The following CAMTA1 variants were observed in gnomAD, a reference collection of about 807,000 sequenced individuals.
CAMTA1 encodes the protein calmodulin binding transcription activator 1, also known as calmodulin-binding transcription activator 1.
Under a neutral mutation model 170.9 loss-of-function variants are expected in CAMTA1, and 27 were observed. The observed-to-expected ratio is 0.16, with a 90% CI of 0.12 to 0.22. The LOEUF is 0.22. Among genes scored for constraint, CAMTA1 ranks in the 10% least tolerant of loss-of-function variants. CAMTA1 has a pLI of 1.00. For synonymous variants in CAMTA1, 833 were observed against 891.5 expected (o/e 0.93, Z 1.17); for missense variants, 1,619 against 2,217.2 (o/e 0.73, Z 5.42).
chr1:7,161,872 T>C (rs1299534707), intron 4 of CAMTA1, among the ~76,000 whole-genome samples: 1 of 152,004 alleles, frequency 6.6e-6, no homozygotes, highest in Non-Finnish European at 1.5e-5. Context: ...GGGCAAGCAA[T>C]GAATCTGATT....
intron 5 of CAMTA1, among the ~76,000 whole-genome samples, chr1:7,365,223 G>A (rs1160260557): frequency 0.012 from 1 of 84 alleles, no homozygotes; most frequent in Non-Finnish European, 0.024. Flanking sequence ...GCAAGCACCT[G>A]GTGGCTGCGC....
chr1:7,281,003 A>G (rs1671425607), intron 5 of CAMTA1, among the ~76,000 whole-genome samples: 1 of 152,252 alleles, frequency 6.6e-6, no homozygotes, highest in Non-Finnish European at 1.5e-5. Flanking sequence ...TAAAGAGCCA[A>G]ATTATTTACA....
rs774994620 is a variant in CAMTA1, at chr1:7,195,688, C to T, written c.303-53803C>T. On this transcript the variant is annotated intron_variant, in intron 4 of 22. Transcript: ENST00000303635. The surrounding 1 kb of genome is among the most constrained non-coding windows in gnomAD (Gnocchi z 4.1). ...CTTGTGAGTGCTTATATTTAGCCAG[C>T]CATTGCTCACAGCAGAAGGATAAAG... 2.0e-5 allele frequency among the ~76,000 whole-genome samples: 3 copies of T among 152,148 alleles called. No homozygotes were observed. The highest frequency in any genetic ancestry group is 2.9e-5 in the Non-Finnish European group (2 of 68,032).
chr1:6,802,460 G>C (rs558630884), intron 1 of CAMTA1, among the ~76,000 whole-genome samples: 1 of 152,184 alleles, frequency 6.6e-6, no homozygotes, highest in Non-Finnish European at 1.5e-5. Flanking sequence ...TCATTTAGAG[G>C]GTCTTAGAGT....
intron 3 of CAMTA1, among the ~76,000 whole-genome samples, chr1:6,844,647 C>G (rs1036481312): frequency 7.2e-6 from 1 of 139,644 alleles, no homozygotes; most frequent in African/African-American, 2.7e-5. Context: ...GATTGTGCCA[C>G]TACACTCCAG....
chr1:7,630,244 A>G (rs1167845267), intron 6 of CAMTA1, among the ~76,000 whole-genome samples: 1 of 152,122 alleles, frequency 6.6e-6, no homozygotes, highest in East Asian at 1.9e-4. Context: ...AGGCCTCTGG[A>G]AAGTGCAGGC....
At chr1:7,147,213 G>T (rs1380460203) in intron 4 of CAMTA1, among the ~76,000 whole-genome samples, 1 of 152,090 alleles carries the variant, frequency 6.6e-6, no homozygotes, top group Non-Finnish European at 1.5e-5. Flanking sequence ...AAGGTCAAGA[G>T]ATTGAGACCA....
chr1:7,341,066 C>T (rs556906057), intron 5 of CAMTA1, among the ~76,000 whole-genome samples: 22 of 152,362 alleles, frequency 1.4e-4, no homozygotes, highest in Admixed American at 1.2e-3. Flanking sequence ...TGATGGCACT[C>T]CATCACACTG....
chr1:7,351,027 C>T (rs1166752496), intron 5 of CAMTA1, among the ~76,000 whole-genome samples: 1 of 152,218 alleles, frequency 6.6e-6, no homozygotes, highest in East Asian at 1.9e-4. Context: ...ACGGGTGGGG[C>T]GCATTCCTGC....
At chr1:6,867,855 G>GA (rs1384716330) in intron 3 of CAMTA1, among the ~76,000 whole-genome samples, 1 of 151,738 alleles carries the variant, frequency 6.6e-6, no homozygotes, top group Non-Finnish European at 1.5e-5. Context: ...ACCCAGGCTG[G>GA]AATGCAGCGA....
chr1:7,061,479 T>C (rs1035382898), intron 3 of CAMTA1, among the ~76,000 whole-genome samples: 1 of 152,242 alleles, frequency 6.6e-6, no homozygotes, highest in Admixed American at 6.5e-5. Flanking sequence ...TGTTAAACAT[T>C]CTGAATGTCA....
chr1:7,120,635 C>T (rs896912107), intron 4 of CAMTA1, among the ~76,000 whole-genome samples: 2 of 152,300 alleles, frequency 1.3e-5, no homozygotes, highest in African/African-American at 4.8e-5. Flanking sequence ...GGGACTGCAC[C>T]AGGGTATGGA....
At chr1:7,487,097 A>G (rs920427585) in intron 6 of CAMTA1, among the ~76,000 whole-genome samples, 1 of 152,220 alleles carries the variant, frequency 6.6e-6, no homozygotes, top group South Asian at 2.1e-4. Context: ...ATGAGCACAG[A>G]TGCTCCTGAT....
At position 7,510,750 on chromosome 1, in the gene CAMTA1, C is replaced by A. The variant is rs145954496; in HGVS notation, c.510+42849C>A. Among the ~76,000 whole-genome samples, 8 of 146,042 alleles carry A rather than the reference C, an allele frequency of 5.5e-5. 1 individual carries two copies. In the East Asian group the frequency reaches 1.8e-3, roughly 32 times the overall value. ...ATGAGTTTCCTCCATTGTGTTTACC[C>A]TACTGGGGACAGCAGGACCTTTGTC... On this transcript the variant is annotated intron_variant, in intron 6 of 22. Coordinates refer to ENST00000303635, the MANE Select transcript of CAMTA1 (RefSeq NM_015215.4).
chr1:7,258,330 G>A (rs2149344346), intron 5 of CAMTA1, among the ~76,000 whole-genome samples: 1 of 152,266 alleles, frequency 6.6e-6, no homozygotes, highest in African/African-American at 2.4e-5. Flanking sequence ...CCCTGATGAA[G>A]GTAGAGCAGC....
Position 7,364,822 on chromosome 1 carries a change from G to A in CAMTA1, c.439-103008G>A, listed in dbSNP as rs546161573. ...CCACACAGTGCTTCTAGAATCAGTC[G>A]GAGTCCATGGCACAAAGCAAGGGCT... On this transcript the variant is annotated intron_variant, in intron 5 of 22. Coordinates refer to ENST00000303635, the MANE Select transcript of CAMTA1 (RefSeq NM_015215.4). 6.2e-4 allele frequency among the ~76,000 whole-genome samples: 94 copies of A among 152,268 alleles called. No homozygotes were observed. The South Asian group carries it at 9.6e-3, about 15-fold the overall frequency.
intron 5 of CAMTA1, among the ~76,000 whole-genome samples, chr1:7,392,222 G>A (rs944615346): frequency 2.1e-4 from 32 of 150,586 alleles, no homozygotes; most frequent in African/African-American, 7.6e-4. Flanking sequence ...CCAGGAGTTT[G>A]AGACCCTCCA....
chr1:7,442,750 T>C (rs2092578910), intron 5 of CAMTA1, among the ~76,000 whole-genome samples: 1 of 152,158 alleles, frequency 6.6e-6, no homozygotes, highest in Non-Finnish European at 1.5e-5. Context: ...TAAGAGTAAA[T>C]GAGACAATAT....
chr1:7,038,865 C>G (rs1384815101), intron 3 of CAMTA1, among the ~76,000 whole-genome samples: 1 of 152,064 alleles, frequency 6.6e-6, no homozygotes, highest in African/African-American at 2.4e-5. Context: ...CATGGTGAAA[C>G]CCTGTCTCTA....
Sources: gnomAD v4.1 joint callset for allele counts (sites outside exome capture counted in the v4.1 genomes callset) on GRCh38, gnomAD v4.1.1 for gene constraint, Gnocchi (gnomAD v3.1) non-coding constraint, MANE v1.5 for transcripts, NCBI Gene and HGNC (gene_info 2026-07-23, HGNC 2026-07-21) for gene names.